DMGDH: variants seen among roughly 807,000 people sequenced by gnomAD.
DMGDH encodes dimethylglycine dehydrogenase.
DMGDH carries 76 observed loss-of-function variants against 95.2 expected under a neutral mutation model. The ratio of observed to expected loss-of-function variants is 0.80; its 90% CI spans 0.66 to 0.97. The LOEUF (loss-of-function observed/expected upper bound fraction) is 0.97, where lower values mean the gene tolerates loss of function less well. DMGDH is among the 50% of genes least tolerant of loss of function. The pLI, the probability that DMGDH is intolerant of heterozygous loss-of-function variation, is 0.00. For missense variants in DMGDH, 987 were observed against 1,055.0 expected, an observed-to-expected ratio of 0.94 and a Z score of 0.89; for synonymous variants, 345 against 377.6, an observed-to-expected ratio of 0.91 and a Z score of 1.00.
chr5:79,010,840 G>T (rs914134395), intron 14 of DMGDH, among the ~76,000 whole-genome samples: 10 of 152,170 alleles, frequency 6.6e-5, no homozygotes, highest in Admixed American at 6.5e-4. Context: ...TTATAGGCGG[G>T]GAAGGGCTGC....
intron 6 of DMGDH, 52 bp from the exon 7 acceptor site, chr5:79,042,533 C>T: frequency 6.4e-7 from 1 of 1,571,872 alleles, no homozygotes; most frequent in Non-Finnish European, 8.8e-7. Context: ...CTGACAAGTC[C>T]TGTAAAGTGA....
At chr5:79,066,590 G>A (rs1010600424) in intron 1 of DMGDH, among the ~76,000 whole-genome samples, 44 of 152,120 alleles carry the variant, frequency 2.9e-4, no homozygotes, top group African/African-American at 9.4e-4. Flanking sequence ...CACCACGCCC[G>A]GCCAGTACTA....
chr5:79,038,398 T>C (rs248376), intron 7 of DMGDH, among the ~76,000 whole-genome samples: 84,423 of 151,530 alleles, frequency 0.56, 23,738 homozygotes, highest in East Asian at 0.78. Context: ...GCAAGAGAAT[T>C]GCTTGAACCC....
chr5:79,008,511 A>G (rs1753587405), intron 14 of DMGDH, among the ~76,000 whole-genome samples: 1 of 152,166 alleles, frequency 6.6e-6, no homozygotes, highest in African/African-American at 2.4e-5. Context: ...AACAGCCCTA[A>G]TGGAGCCACT....
At chr5:79,019,754 G>T (rs1196379760) in intron 14 of DMGDH, among the ~76,000 whole-genome samples, 2 of 152,090 alleles carry the variant, frequency 1.3e-5, no homozygotes, top group South Asian at 2.1e-4. Context: ...GCATGGTGGC[G>T]GGTGCTTGTA....
intron 11 of DMGDH, among the ~76,000 whole-genome samples, chr5:79,029,049 A>G (rs138903059): frequency 1.3e-5 from 2 of 152,342 alleles, no homozygotes; most frequent in African/African-American, 4.8e-5. Flanking sequence ...AAAGGTTAAT[A>G]ATGTGCCTGC....
chr5:79,041,192 C>T (rs181153792), intron 7 of DMGDH, among the ~76,000 whole-genome samples: 2 of 152,366 alleles, frequency 1.3e-5, no homozygotes, highest in East Asian at 3.9e-4. Flanking sequence ...TTGGTAGAGA[C>T]CCCAGCTTCT....
At chr5:79,032,240 T>C (rs1024923633) in intron 9 of DMGDH, among the ~76,000 whole-genome samples, 1 of 152,246 alleles carries the variant, frequency 6.6e-6, no homozygotes, top group African/African-American at 2.4e-5. Context: ...ATAATTTGCA[T>C]GACTCAGTGC....
intron 2 of DMGDH, among the ~76,000 whole-genome samples, chr5:79,060,646 C>T (rs561236280): frequency 2.1e-4 from 32 of 152,200 alleles, no homozygotes; most frequent in Admixed American, 7.2e-4. Flanking sequence ...ATCAGCCTGG[C>T]GCGGTGGCTC....
intron 11 of DMGDH, 61 bp downstream of exon 11, chr5:79,029,837 AAAACTT>A (rs1184310088): frequency 2.7e-5 from 42 of 1,536,054 alleles, no homozygotes; most frequent in Middle Eastern, 1.7e-4. Context: ...GGTAAAAAGA[AAAACTT>A]AATGTAAGAT....
chr5:79,025,313 C>T (rs963435513), intron 13 of DMGDH, among the ~76,000 whole-genome samples: 5 of 152,256 alleles, frequency 3.3e-5, no homozygotes, highest in African/African-American at 7.2e-5. Flanking sequence ...CTTCATTCCT[C>T]GGAGAGTGTG....
chr5:79,063,098 AAAAAATAAAAAAT>A (rs2112676355), intron 2 of DMGDH, among the ~76,000 whole-genome samples: 1 of 152,190 alleles, frequency 6.6e-6, no homozygotes, highest in African/African-American at 2.4e-5. Context: ...CAAAAAAAAT[AAAAAATAAAAAAT>A]AAAAATAAAT....
At chr5:79,037,699 C>A (rs1282942442) in intron 7 of DMGDH, among the ~76,000 whole-genome samples, 1 of 152,184 alleles carries the variant, frequency 6.6e-6, no homozygotes, top group Non-Finnish European at 1.5e-5. Flanking sequence ...GAGGAAGCAA[C>A]TTCCTACTTT....
chr5:79,000,621 A>G (rs767585538), intron 15 of DMGDH: 6 of 617,186 alleles, frequency 9.7e-6, no homozygotes, highest in African/African-American at 1.8e-5. Flanking sequence ...CTTCACATTC[A>G]ACATCTTCCT....
At chr5:79,002,397 C>T (rs1208133137) in intron 15 of DMGDH, among the ~76,000 whole-genome samples, 2 of 152,182 alleles carry the variant, frequency 1.3e-5, no homozygotes, top group Non-Finnish European at 2.9e-5. Flanking sequence ...AATTAAACCT[C>T]ATTTAAGGTT....
intron 14 of DMGDH, among the ~76,000 whole-genome samples, chr5:79,015,485 A>G (rs1259360305): frequency 1.3e-5 from 2 of 152,236 alleles, no homozygotes; most frequent in Non-Finnish European, 2.9e-5. Flanking sequence ...AGCTTGGCAC[A>G]TGAGACTCTT....
intron 2 of DMGDH, among the ~76,000 whole-genome samples, chr5:79,063,044 A>G (rs1755256345): frequency 6.6e-6 from 1 of 152,168 alleles, no homozygotes; most frequent in South Asian, 2.1e-4. Flanking sequence ...GTGAGCCGAG[A>G]TCGCGCCATT....
At position 79,024,321 on chromosome 5, in the gene DMGDH, C is replaced by T. The variant is rs142068838; in HGVS notation, c.2200G>A (p.Asp734Asn). Residue 734 changes from aspartate (D) to asparagine (N), a missense_variant, in exon 14 of 16, where the codon GAT becomes AAT. By Grantham distance (23) the Asp-to-Asn change is conservative. Coordinates refer to ENST00000255189, the MANE Select transcript of DMGDH (RefSeq NM_013391.3). ...FRAWGLEMNCDTNPLEAGLEY... is the reference protein window; with the variant it reads ...FRAWGLEMNCNTNPLEAGLEY... ...AGTCCAGCTTCCAAAGGATTTGTAT[C>T]ACAGTTCATCTAAAAAGGAAACACA... 8 of 1,613,508 alleles carry T rather than the reference C, an allele frequency of 5.0e-6. No homozygotes were observed. In the African/African-American group the frequency reaches 5.3e-5, roughly 11 times the overall value.
chr5:79,044,264 T>G (rs1754600919), intron 6 of DMGDH, 40 bp downstream of exon 6: 6 of 1,613,880 alleles, frequency 3.7e-6, no homozygotes, highest in Non-Finnish European at 5.1e-6. Context: ...GATGAACCAT[T>G]CATGTCTGAC....
Sources: allele counts gnomAD v4.1 joint callset (sites outside exome capture counted in the v4.1 genomes callset), GRCh38; gene constraint gnomAD v4.1.1; transcripts MANE v1.5; gene names NCBI Gene and HGNC (gene_info 2026-07-23, HGNC 2026-07-21).